PTPRT: variants seen among roughly 807,000 people sequenced by gnomAD.
PTPRT encodes receptor-type tyrosine-protein phosphatase T.
A neutral mutation model predicts 176.8 loss-of-function variants in PTPRT; 56 were observed. The ratio of observed to expected loss-of-function variants is 0.32; its 90% CI spans 0.26 to 0.40. PTPRT has a LOEUF of 0.40. PTPRT is among the 10% of genes least tolerant of loss of function. PTPRT has a pLI of 1.00. For synonymous variants in PTPRT, 783 were observed against 739.0 expected, an observed-to-expected ratio of 1.06 and a Z score of -0.96; for missense variants, 1,540 against 1,908.2, an observed-to-expected ratio of 0.81 and a Z score of 3.60.
At chr20:42,252,781 CG>C (rs990585416) in intron 13 of PTPRT, among the ~76,000 whole-genome samples, 3 of 152,180 alleles carry the variant, frequency 2.0e-5, no homozygotes, top group African/African-American at 7.2e-5. Flanking sequence ...TCAGGGGATT[CG>C]GAGAGGCTGT....
chr20:42,571,456 C>T (rs2073151857), intron 7 of PTPRT, among the ~76,000 whole-genome samples: 1 of 152,148 alleles, frequency 6.6e-6, no homozygotes, highest in Non-Finnish European at 1.5e-5. Context: ...CAATTTTAGC[C>T]CAGTAGGATG....
chr20:42,503,092 G>C (rs1430976262), intron 7 of PTPRT, among the ~76,000 whole-genome samples: 1 of 151,830 alleles, frequency 6.6e-6, no homozygotes, highest in Non-Finnish European at 1.5e-5. Context: ...TTTCTGGAGA[G>C]AAAAAAGGAG....
chr20:43,150,495 C>G (rs1445955983), intron 1 of PTPRT, among the ~76,000 whole-genome samples: 1 of 151,910 alleles, frequency 6.6e-6, no homozygotes, highest in African/African-American at 2.4e-5. Flanking sequence ...CTCGCTCTGT[C>G]GCCCAGGCTG....
Position 42,484,216 on chromosome 20 carries a change from C to T in PTPRT, c.1154-11654G>A, listed in dbSNP as rs192027751. 7.0e-3 allele frequency among the ~76,000 whole-genome samples: 1,065 copies of T among 151,956 alleles called. 9 individuals are homozygous for T. Among genetic ancestry groups the T allele is most frequent in the Non-Finnish European group, 0.011 (719 of 67,952 alleles). On this transcript the variant is annotated intron_variant, in intron 7 of 30. Transcript: ENST00000373187. ...CTTGGTGTTTTGGTAATTTTTTTTT[C>T]CCACAGATCCTAAGCCAAAAAACAT...
intron 1 of PTPRT, among the ~76,000 whole-genome samples, chr20:43,161,797 C>A (rs1195592901): frequency 1.3e-5 from 2 of 152,198 alleles, no homozygotes; most frequent in Non-Finnish European, 2.9e-5. Flanking sequence ...CTTTTGCCAA[C>A]TGCCATGTGG....
intron 24 of PTPRT, 24 bp from the exon 25 acceptor site, chr20:42,104,742 T>C (rs1986272018): frequency 6.5e-7 from 1 of 1,547,290 alleles, no homozygotes; most frequent in Non-Finnish European, 8.9e-7. Context: ...AGAGAGGGAA[T>C]GGGGTGCCAG....
At chr20:42,036,853 G>C in the PTPRT span, among the ~76,000 whole-genome samples, 1 of 152,164 alleles carries the variant, frequency 6.6e-6, no homozygotes, top group Admixed American at 6.6e-5. Context: ...GAAGCACCTT[G>C]CATATCAGCA....
chr20:42,184,463 C>T (rs1391785160), intron 16 of PTPRT, among the ~76,000 whole-genome samples: 2 of 148,148 alleles, frequency 1.3e-5, no homozygotes, highest in Admixed American at 6.7e-5. Flanking sequence ...CTTCCCTCCC[C>T]TCCCCACTCC....
intron 2 of PTPRT, among the ~76,000 whole-genome samples, chr20:42,855,429 C>CA (rs947419332): frequency 1.7e-5 from 2 of 115,686 alleles, no homozygotes; most frequent in South Asian, 5.4e-4. Flanking sequence ...TATGTTCATG[C>CA]TTTTTTTTTT....
At chr20:42,487,479 G>A (rs964058505) in intron 7 of PTPRT, among the ~76,000 whole-genome samples, 11 of 152,108 alleles carry the variant, frequency 7.2e-5, no homozygotes, top group African/African-American at 2.4e-4. Context: ...ATCTTACATG[G>A]CAAAAAGAAC....
chr20:42,718,937 G>C (rs779731492), intron 6 of PTPRT, among the ~76,000 whole-genome samples: 3 of 152,216 alleles, frequency 2.0e-5, no homozygotes, highest in Non-Finnish European at 2.9e-5. Flanking sequence ...AGTGATGGTA[G>C]GAAAGATACA....
chr20:43,007,832 T>A (rs1984929925), intron 1 of PTPRT, among the ~76,000 whole-genome samples: 1 of 152,246 alleles, frequency 6.6e-6, no homozygotes, highest in South Asian at 2.1e-4. Flanking sequence ...TCAGGCATTA[T>A]CTGCACTTAC....
At chr20:42,499,263 C>T (rs370953029) in intron 7 of PTPRT, among the ~76,000 whole-genome samples, 53 of 151,642 alleles carry the variant, frequency 3.5e-4, no homozygotes, top group Non-Finnish European at 6.9e-4. Context: ...GTGCCATGTA[C>T]AGTCTGTATA....
At chr20:42,092,977 T>C (rs938561880) in intron 27 of PTPRT, among the ~76,000 whole-genome samples, 1 of 152,164 alleles carries the variant, frequency 6.6e-6, no homozygotes, top group African/African-American at 2.4e-5. Context: ...TGTGGACTCT[T>C]ATTTGTTTTA....
intron 7 of PTPRT, among the ~76,000 whole-genome samples, chr20:42,636,949 T>C (rs1461377599): frequency 6.6e-6 from 1 of 152,042 alleles, no homozygotes; most frequent in Non-Finnish European, 1.5e-5. Context: ...AGTGTTGATA[T>C]ATATGATGAA....
chr20:42,288,718 A>C (rs577231701), intron 12 of PTPRT, among the ~76,000 whole-genome samples: 2 of 152,116 alleles, frequency 1.3e-5, no homozygotes, highest in South Asian at 4.1e-4. Flanking sequence ...ATGGCTGCAT[A>C]GTATTCCATG....
At chr20:42,279,421 A>T (rs1400046096) in intron 13 of PTPRT, among the ~76,000 whole-genome samples, 3 of 152,156 alleles carry the variant, frequency 2.0e-5, no homozygotes, top group African/African-American at 7.2e-5. Context: ...AACCACCAGA[A>T]GCTAAGAGAC....
At chr20:42,430,107 G>A (rs140479235) in intron 9 of PTPRT, among the ~76,000 whole-genome samples, 1 of 152,330 alleles carries the variant, frequency 6.6e-6, no homozygotes, top group Non-Finnish European at 1.5e-5. Flanking sequence ...GGTCTCTTCA[G>A]GGAGGGAAGT....
At chr20:42,266,678 A>G (rs1016741416) in intron 13 of PTPRT, among the ~76,000 whole-genome samples, 2 of 152,166 alleles carry the variant, frequency 1.3e-5, no homozygotes, top group African/African-American at 4.8e-5. Flanking sequence ...ATACATCTCC[A>G]GATTTTGCCA....
Sources: allele counts gnomAD v4.1 joint callset (sites outside exome capture counted in the v4.1 genomes callset), GRCh38; gene constraint gnomAD v4.1.1; transcripts MANE v1.5; gene names NCBI Gene and HGNC (gene_info 2026-07-23, HGNC 2026-07-21).